Variants in RSPH6A observed in about 807,000 individuals in gnomAD.
RSPH6A encodes radial spoke head protein 6 homolog A.
In RSPH6A, 49 loss-of-function variants were observed where a neutral mutation model predicts 66.1. That is an observed-to-expected ratio of 0.74 (90% confidence interval 0.59 to 0.94). The LOEUF is 0.94. Among genes scored for constraint, RSPH6A ranks in the 40% least tolerant of loss-of-function variants. The probability of loss-of-function intolerance (pLI) is 0.00; values close to 1 mark genes in which losing one functional copy is unlikely to be tolerated. For synonymous variants in RSPH6A, 419 were observed against 402.4 expected (o/e 1.04, Z -0.49); for missense variants, 977 against 948.3 (o/e 1.03, Z -0.40).
At chr19:45,799,528 G>C (rs1034903018) in intron 5 of RSPH6A, among the ~76,000 whole-genome samples, 1 of 151,804 alleles carries the variant, frequency 6.6e-6, no homozygotes, top group African/African-American at 2.4e-5. Flanking sequence ...ATGCCGGGCT[G>C]ATTTTAAAAA....
intron 5 of RSPH6A, among the ~76,000 whole-genome samples, chr19:45,799,312 G>A (rs1359268779): frequency 2.0e-5 from 3 of 152,226 alleles, no homozygotes; most frequent in African/African-American, 7.2e-5. Context: ...CTGAAGGACT[G>A]TGGGGAGTGT....
intron 2 of RSPH6A, among the ~76,000 whole-genome samples, chr19:45,806,809 G>A (rs1970550499): frequency 6.6e-6 from 1 of 151,354 alleles, no homozygotes; most frequent in Non-Finnish European, 1.5e-5. Context: ...CCAGGGAAAT[G>A]CCTGCCAGCC....
rs142077575 is a variant in RSPH6A, at chr19:45,804,464, G to A, written c.1441C>T (p.Leu481=). 1.3e-4 allele frequency: 210 copies of A among 1,614,088 alleles called. 1 individual carries two copies. In the African/African-American group the frequency reaches 2.5e-3, roughly 19 times the overall value. Reference sequence around the variant, plus strand: ...GAGATGCGGGCTATCTGGGCCCGCAGGTAGTTGGCCTCGTTGCCCGGGAAG... The same window carrying A: ...GAGATGCGGGCTATCTGGGCCCGCAAGTAGTTGGCCTCGTTGCCCGGGAAG... ...PPFPGNEANY[L]RAQIARISAA... The change falls in exon 3 of 6, where the codon CTG becomes TTG. Residue 481 remains leucine (L), a synonymous_variant. Transcript: ENST00000221538. This position sits in a 1 kb window ranked among gnomAD's most constrained non-coding sequence, Gnocchi z 5.8.
At chr19:45,797,387 A>G (rs1167961999) in intron 5 of RSPH6A, among the ~76,000 whole-genome samples, 4 of 151,856 alleles carry the variant, frequency 2.6e-5, no homozygotes, top group Admixed American at 1.3e-4. Context: ...TCTCAAAAAA[A>G]AAAAAAAGAA....
chr19:45,806,728 G>C (rs1212770414), intron 2 of RSPH6A, among the ~76,000 whole-genome samples: 1 of 143,780 alleles, frequency 7.0e-6, no homozygotes, highest in Non-Finnish European at 1.5e-5. Context: ...CCAAGTTTTG[G>C]CTCAGAAGCC....
Position 45,814,933 on chromosome 19 carries a change from G to A in RSPH6A, c.244C>T (p.Leu82=), listed in dbSNP as rs370119752. 1.2e-5 allele frequency: 20 copies of A among 1,614,008 alleles called. No homozygotes were observed. The Admixed American group carries it at 2.8e-4, about 23-fold the overall frequency. The change falls in exon 1 of 6, where the codon CTG becomes TTG. Residue 82 remains leucine, a synonymous_variant. Transcript: ENST00000221538. ...PQVFQAEEAR[L]GGMEYPSVNT... ...ACAGATGGGTACTCCATGCCACCCA[G>A]CCGGGCTTCCTCAGCCTGGAAGACC...
Position 45,814,722 on chromosome 19 carries a change from T to G in RSPH6A, c.455A>C (p.Tyr152Ser), listed in dbSNP as rs773294180. The G allele has an allele frequency of 6.2e-7, 1 of 1,613,558 alleles. No individual in the cohort carries two copies. The highest frequency in any genetic ancestry group is 2.2e-5 in the East Asian group (1 of 44,856). The change falls in exon 1 of 6, where the codon TAC (tyrosine) becomes TCC (serine). Residue 152 changes from tyrosine to serine, a missense_variant. By Grantham distance (144) the Tyr-to-Ser change is moderately radical. Coordinates refer to ENST00000221538, the MANE Select transcript of RSPH6A (RefSeq NM_030785.4). ...ACCTTCAGAGAACTGGTCTGTCTGG[T>G]AGAGGTTGAACTGGCCCAAGGGGTT... ...PVNPLGQFNL[Y>S]QTDQFSEGAQ...
chr19:45,809,580 G>A lies in RSPH6A; in HGVS notation c.888+1023C>T, dbSNP rs542415143. Among the ~76,000 whole-genome samples, 13 of 152,298 alleles carry A rather than the reference G, an allele frequency of 8.5e-5. No individual in the cohort carries two copies. In the South Asian group the frequency reaches 1.0e-3, roughly 12 times the overall value. ...CTCCCAAAGTGCTGGGATTACAGGC[G>A]TGAGCCACCGTGCCCGGCTAGTCAA... On this transcript the variant is annotated intron_variant, in intron 2 of 5. Coordinates refer to ENST00000221538, the MANE Select transcript of RSPH6A (RefSeq NM_030785.4).
intron 2 of RSPH6A, among the ~76,000 whole-genome samples, chr19:45,807,048 C>T (rs1043251672): frequency 2.6e-5 from 4 of 151,488 alleles, no homozygotes; most frequent in South Asian, 2.1e-4. Flanking sequence ...CGTGCACCAC[C>T]ACACCCAGCT....
intron 5 of RSPH6A, among the ~76,000 whole-genome samples, chr19:45,797,633 T>G (rs979581314): frequency 6.6e-6 from 1 of 151,704 alleles, no homozygotes; most frequent in Non-Finnish European, 1.5e-5. Flanking sequence ...TCCCAGCACT[T>G]TAGGAGGCCG....
chr19:45,815,245 G>C lies in RSPH6A; in HGVS notation c.-69C>G. The C allele has an allele frequency of 1.4e-6, 2 of 1,429,114 alleles. No homozygotes were observed. Among genetic ancestry groups the C allele is most frequent in the Non-Finnish European group, 1.8e-6 (2 of 1,083,260 alleles). 88.5% of individuals were successfully genotyped at this position (1,429,114 alleles called of 1,614,324 possible). On this transcript the variant is annotated 5_prime_UTR_variant, in exon 1 of 6. Transcript: ENST00000221538. The stretch of plus-strand genomic sequence containing the variant: ...CAAGGAGGCCAAGCGAGAGCCACCT[G>C]TCGACACCGCCGGTTTCTGAGCACC...
At chr19:45,811,175 G>A (rs1444417520) in intron 1 of RSPH6A, among the ~76,000 whole-genome samples, 1 of 151,486 alleles carries the variant, frequency 6.6e-6, no homozygotes, top group East Asian at 2.0e-4. Context: ...TGGATTTTTA[G>A]TAGAGACAGG....
intron 5 of RSPH6A, among the ~76,000 whole-genome samples, chr19:45,798,393 G>A (rs971212399): frequency 1.3e-5 from 2 of 151,626 alleles, no homozygotes; most frequent in Non-Finnish European, 2.9e-5. Flanking sequence ...TTAAAAATGA[G>A]GCCAGGCACA....
intron 5 of RSPH6A, among the ~76,000 whole-genome samples, chr19:45,797,519 A>C (rs1206721068): frequency 2.0e-5 from 3 of 152,116 alleles, no homozygotes; most frequent in Admixed American, 1.3e-4. Flanking sequence ...ATTTATGTCC[A>C]ACATATCATG....
rs59665443 is a variant in RSPH6A at position 45,811,743 on chromosome 19, G to GTAT, written c.651-906_651-904dup. 9.1e-3 allele frequency among the ~76,000 whole-genome samples: 1,072 copies of GTAT among 118,398 alleles called. 7 individuals carry two copies. Among genetic ancestry groups the GTAT allele is most frequent in the Middle Eastern group, 0.018 (4 of 222 alleles). The allele number at this position is 118,398 out of a possible 152,430, so 77.7% of individuals were successfully genotyped here. ...GAGCCACCGCACCTGGCCAACATTT[G>GTAT]TATTATTATTATTATTATTATTATT... On this transcript the variant is annotated intron_variant, in intron 1 of 5. Transcript: ENST00000221538.
At chr19:45,811,031 G>A (rs1339702529) in intron 1 of RSPH6A, 191 bp from the exon 2 acceptor site, 2 of 433,552 alleles carry the variant, frequency 4.6e-6, no homozygotes, top group Non-Finnish European at 8.1e-6. Context: ...GTCTTGCTCT[G>A]TTGCTCAGGC....
intron 1 of RSPH6A, among the ~76,000 whole-genome samples, chr19:45,811,530 T>C (rs948460069): frequency 2.3e-4 from 34 of 149,736 alleles, no homozygotes; most frequent in Non-Finnish European, 4.3e-4. Flanking sequence ...CTCTGTCTCC[T>C]GGGTTCAAGC....
At chr19:45,808,412 G>A (rs1339456287) in intron 2 of RSPH6A, among the ~76,000 whole-genome samples, 1 of 150,980 alleles carries the variant, frequency 6.6e-6, no homozygotes, top group Non-Finnish European at 1.5e-5. Flanking sequence ...GGGCGACAGA[G>A]CAAGACTCCG....
chr19:45,801,768 A>G (rs577225189), intron 4 of RSPH6A, among the ~76,000 whole-genome samples: 159 of 150,626 alleles, frequency 1.1e-3, no homozygotes, highest in African/African-American at 3.6e-3. Context: ...TCAAAACAAC[A>G]ACAATGACAA....
Sources: gnomAD v4.1 joint callset for allele counts (sites outside exome capture counted in the v4.1 genomes callset) on GRCh38, gnomAD v4.1.1 for gene constraint, Gnocchi (gnomAD v3.1) non-coding constraint, MANE v1.5 for transcripts, NCBI Gene and HGNC (gene_info 2026-07-23, HGNC 2026-07-21) for gene names.